The following FILIP1 variants were observed in gnomAD, a reference collection of about 807,000 sequenced individuals.
FILIP1 encodes the protein filamin A interacting protein 1.
FILIP1 carries 61 observed loss-of-function variants against 102.1 expected under a neutral mutation model. The ratio of observed to expected loss-of-function variants is 0.60; its 90% CI spans 0.49 to 0.74. The LOEUF is 0.74. FILIP1 is among the 30% of genes least tolerant of loss of function. The pLI, the probability that FILIP1 is intolerant of heterozygous loss-of-function variation, is 0.00. For missense variants in FILIP1, 1,314 were observed against 1,441.2 expected, an observed-to-expected ratio of 0.91 and a Z score of 1.43; for synonymous variants, 491 against 526.9, an observed-to-expected ratio of 0.93 and a Z score of 0.93.
At chr6:75,332,000 T>C (rs191598119) in intron 4 of FILIP1, among the ~76,000 whole-genome samples, 10 of 152,222 alleles carry the variant, frequency 6.6e-5, no homozygotes, top group Admixed American at 3.3e-4. Context: ...AAGACAGAAG[T>C]CTGCAACCAG....
At chr6:75,437,306 T>A (rs553750985) in intron 1 of FILIP1, among the ~76,000 whole-genome samples, 1 of 152,362 alleles carries the variant, frequency 6.6e-6, no homozygotes, top group East Asian at 1.9e-4. Flanking sequence ...AGAAAATATG[T>A]GAGTTTGTAT....
chr6:75,427,138 G>C (rs1046031573), intron 1 of FILIP1, among the ~76,000 whole-genome samples: 3 of 152,092 alleles, frequency 2.0e-5, no homozygotes, highest in Non-Finnish European at 4.4e-5. Context: ...TTTGGTCTAG[G>C]ATTGACTTAT....
At chr6:75,461,824 T>A (rs1191869054) in intron 1 of FILIP1, among the ~76,000 whole-genome samples, 1 of 152,196 alleles carries the variant, frequency 6.6e-6, no homozygotes, top group East Asian at 1.9e-4. Flanking sequence ...AAGGGCGAAG[T>A]GTGTGCATGC....
chr6:75,463,161 C>A (rs1274686704), intron 1 of FILIP1, among the ~76,000 whole-genome samples: 2 of 152,162 alleles, frequency 1.3e-5, no homozygotes, highest in Non-Finnish European at 2.9e-5. Context: ...CATGTTCTGG[C>A]GTATGTGCGG....
intron 2 of FILIP1, among the ~76,000 whole-genome samples, chr6:75,411,719 T>G (rs1387360315): frequency 1.3e-5 from 2 of 152,158 alleles, no homozygotes; most frequent in Admixed American, 6.6e-5. Context: ...AAAGATCAGA[T>G]AGTTGTAGAT....
intron 2 of FILIP1, among the ~76,000 whole-genome samples, chr6:75,408,420 G>T (rs1040176533): frequency 2.0e-5 from 3 of 152,178 alleles, no homozygotes; most frequent in Non-Finnish European, 4.4e-5. Context: ...TGCACTTCAG[G>T]AGTTCACGGG....
intron 1 of FILIP1, among the ~76,000 whole-genome samples, chr6:75,459,172 C>G (rs1582540981): frequency 6.6e-6 from 1 of 152,170 alleles, no homozygotes; most frequent in African/African-American, 2.4e-5. Flanking sequence ...TGTCTCTGAT[C>G]CTGCTTGGTT....
chr6:75,464,843 T>TA (rs2149755510), intron 1 of FILIP1, among the ~76,000 whole-genome samples: 1 of 152,300 alleles, frequency 6.6e-6, no homozygotes, highest in East Asian at 1.9e-4. Flanking sequence ...TGCATCCTTT[T>TA]AGTTGCTAGG....
intron 1 of FILIP1, among the ~76,000 whole-genome samples, chr6:75,471,178 A>AG (rs1562646855): frequency 6.8e-6 from 1 of 146,110 alleles, no homozygotes; most frequent in African/African-American, 2.6e-5. Context: ...AAAAAAAAAA[A>AG]AAAAAGAAAA....
At chr6:75,433,576 C>T (rs550525457) in intron 1 of FILIP1, among the ~76,000 whole-genome samples, 3 of 152,060 alleles carry the variant, frequency 2.0e-5, no homozygotes, top group Non-Finnish European at 4.4e-5. Context: ...GATATTAGCC[C>T]TTTGTAAGAT....
At chr6:75,451,817 C>G (rs112804912) in intron 1 of FILIP1, among the ~76,000 whole-genome samples, 1 of 151,904 alleles carries the variant, frequency 6.6e-6, no homozygotes, top group Admixed American at 6.6e-5. Flanking sequence ...CTGGGCATTG[C>G]AGCGAGACTC....
Position 75,314,876 on chromosome 6 carries a change from G to A in FILIP1, c.956C>T (p.Ala319Val). The A allele has an allele frequency of 6.2e-7, 1 of 1,614,058 alleles. No homozygotes were observed. The highest frequency in any genetic ancestry group is 1.3e-5 in the African/African-American group (1 of 75,062). Residue 319 changes from alanine to valine, a missense_variant, in exon 5 of 6, where the codon GCT becomes GTT. By Grantham distance (64) the Ala-to-Val change is moderately conservative (BLOSUM62 0). Around this residue, in one of 3 missense-constraint regions of FILIP1, gnomAD observed 494 missense variants for 511.2 expected, o/e 0.97. Transcript: ENST00000237172. ...RFSQEHEEMN[A>V]KLANQESHNR... ...GTGAGACTCTTGATTAGCCAGTTTA[G>A]CGTTCATCTCTTCATGCTCTTGAGA... is the stretch of plus-strand genomic sequence containing the variant.
intron 1 of FILIP1, among the ~76,000 whole-genome samples, chr6:75,449,048 C>T (rs1442907419): frequency 6.6e-6 from 1 of 151,988 alleles, no homozygotes; most frequent in Non-Finnish European, 1.5e-5. Flanking sequence ...CAGCACAATT[C>T]GCAATTGCAA....
chr6:75,298,391 A>T (rs540072555), intron 6 of FILIP1, among the ~76,000 whole-genome samples: 1 of 152,390 alleles, frequency 6.6e-6, no homozygotes, highest in African/African-American at 2.4e-5. Context: ...AACTTTATTT[A>T]AAAGAATACA....
At chr6:75,383,764 C>A (rs1039774453) in intron 2 of FILIP1, among the ~76,000 whole-genome samples, 1 of 152,152 alleles carries the variant, frequency 6.6e-6, no homozygotes, top group Non-Finnish European at 1.5e-5. Context: ...CAGATAGACA[C>A]TATTATTATC....
At chr6:75,440,582 G>A (rs1156281999) in intron 1 of FILIP1, among the ~76,000 whole-genome samples, 2 of 152,184 alleles carry the variant, frequency 1.3e-5, no homozygotes, top group Non-Finnish European at 2.9e-5. Flanking sequence ...AACTCCATGA[G>A]ACCACAGGTG....
Position 75,326,162 on chromosome 6 carries a change from T to A in FILIP1, c.630-10960A>T, listed in dbSNP as rs576388024. 3.1e-4 allele frequency among the ~76,000 whole-genome samples: 47 copies of A among 151,796 alleles called. 1 individual carries two copies. The South Asian group carries it at 6.9e-3, about 22-fold the overall frequency. ...ACACACACACATCATGAAATACTAC[T>A]CAGCCATAAAAAGGAACAAAATAAT... On this transcript the variant is annotated intron_variant, in intron 4 of 5. Transcript: ENST00000237172.
intron 2 of FILIP1, among the ~76,000 whole-genome samples, chr6:75,368,300 G>A (rs1233547463): frequency 6.6e-6 from 1 of 152,226 alleles, no homozygotes; most frequent in East Asian, 1.9e-4. Flanking sequence ...GCCCACAGGT[G>A]AGTGTGCGAT....
At chr6:75,331,747 A>G (rs1774091706) in intron 4 of FILIP1, among the ~76,000 whole-genome samples, 2 of 151,894 alleles carry the variant, frequency 1.3e-5, no homozygotes, top group Non-Finnish European at 2.9e-5. Flanking sequence ...TTCCTTCACT[A>G]GTCAGGCACC....
Sources: allele counts gnomAD v4.1 joint callset (sites outside exome capture counted in the v4.1 genomes callset), GRCh38; gene constraint gnomAD v4.1.1; regional missense constraint gnomAD v4.1.1; transcripts MANE v1.5; gene names NCBI Gene and HGNC (gene_info 2026-07-23, HGNC 2026-07-21).